The following MAP2K4 variants were observed in gnomAD, a reference collection of about 807,000 sequenced individuals.
MAP2K4 encodes mitogen-activated protein kinase kinase 4, also known as dual specificity mitogen-activated protein kinase kinase 4.
In MAP2K4, 4 loss-of-function variants were observed where a neutral mutation model predicts 48.5. The ratio of observed to expected loss-of-function variants is 0.08; its 90% CI spans 0.04 to 0.19. The LOEUF is 0.19. Among genes scored for constraint, MAP2K4 ranks in the 10% least tolerant of loss-of-function variants. The pLI is 1.00. For synonymous variants in MAP2K4, 166 were observed against 173.1 expected, an observed-to-expected ratio of 0.96 and a Z score of 0.32; for missense variants, 258 against 493.3, an observed-to-expected ratio of 0.52 and a Z score of 4.52.
intron 5 of MAP2K4, 27 bp downstream of exon 5, chr17:12,107,936 A>G (rs1597474833): frequency 5.7e-6 from 9 of 1,571,318 alleles, no homozygotes; most frequent in Non-Finnish European, 6.9e-6. Context: ...TAAATTATTC[A>G]TTGTGTATAT....
At chr17:12,060,728 G>GGGTGT (rs71367376) in intron 2 of MAP2K4, among the ~76,000 whole-genome samples, 6 of 150,252 alleles carry the variant, frequency 4.0e-5, no homozygotes, top group Non-Finnish European at 8.9e-5. Context: ...AATACTATGG[G>GGGTGT]GTGTGTGTGT....
intron 1 of MAP2K4, among the ~76,000 whole-genome samples, chr17:12,026,611 C>G (rs940708870): frequency 1.3e-5 from 2 of 152,180 alleles, no homozygotes; most frequent in Admixed American, 1.3e-4. Flanking sequence ...TTTTAACCAC[C>G]TGGGTGACTG....
Position 12,054,908 on chromosome 17 carries a change from G to A in MAP2K4, c.135G>A (p.Lys45=). The A allele has an allele frequency of 1.9e-6, 3 of 1,610,674 alleles. No homozygotes were observed. The highest frequency in any genetic ancestry group is 2.5e-6 in the Non-Finnish European group (3 of 1,177,356). ...TCTCAGGTAAACGCAAAGCACTGAAGTTGAATTTTGCAAATCCACCTTTCA... is the reference window on the plus strand; with the variant it reads ...TCTCAGGTAAACGCAAAGCACTGAAATTGAATTTTGCAAATCCACCTTTCA... The part of the protein sequence containing the change: ...SSMQGKRKAL[K]LNFANPPFKS... Residue 45 remains lysine (K), a synonymous_variant, in exon 2 of 11, where the codon AAG becomes AAA. Coordinates refer to ENST00000353533, the MANE Select transcript of MAP2K4 (RefSeq NM_003010.4).
intron 7 of MAP2K4, among the ~76,000 whole-genome samples, chr17:12,114,596 A>G (rs890690763): frequency 6.6e-6 from 1 of 152,166 alleles, no homozygotes; most frequent in African/African-American, 2.4e-5. Context: ...GTATTTGGGA[A>G]ATGTGATTTA....
At chr17:12,039,192 G>A (rs1969698445) in intron 1 of MAP2K4, among the ~76,000 whole-genome samples, 1 of 152,160 alleles carries the variant, frequency 6.6e-6, no homozygotes, top group South Asian at 2.1e-4. Context: ...ATATGCCTGG[G>A]TACAGCTGGA....
At chr17:12,132,679 C>G (rs1421483115) in intron 9 of MAP2K4, among the ~76,000 whole-genome samples, 3 of 151,440 alleles carry the variant, frequency 2.0e-5, no homozygotes, top group Non-Finnish European at 4.4e-5. Context: ...TCTGAGCGCT[C>G]AGCATTGGGA....
intron 1 of MAP2K4, among the ~76,000 whole-genome samples, chr17:12,044,729 C>T (rs949662003): frequency 1.3e-5 from 2 of 152,212 alleles, no homozygotes; most frequent in South Asian, 2.1e-4. Flanking sequence ...CAGATCCCAC[C>T]GGTTGAGGGC....
At chr17:12,043,369 C>G (rs767073832) in intron 1 of MAP2K4, among the ~76,000 whole-genome samples, 1 of 152,124 alleles carries the variant, frequency 6.6e-6, no homozygotes, top group Non-Finnish European at 1.5e-5. Context: ...AATTCTCTGA[C>G]AGCAACCGTG....
chr17:12,043,603 C>T (rs1969865772), intron 1 of MAP2K4, among the ~76,000 whole-genome samples: 1 of 152,006 alleles, frequency 6.6e-6, no homozygotes. Context: ...GCTAGCATGT[C>T]TTATGGAACT....
intron 6 of MAP2K4, among the ~76,000 whole-genome samples, chr17:12,111,836 A>ATGACTAGGGATCAAGT (rs11273576): frequency 6.6e-6 from 1 of 151,978 alleles, no homozygotes; most frequent in Non-Finnish European, 1.5e-5. Flanking sequence ...AAAGCACAAT[A>ATGACTAGGGATCAAGT]TGCTCCTCTT....
rs1035162970 is a variant in MAP2K4 at position 12,081,670 on chromosome 17, G to A, written c.393+140G>A. The A allele has an allele frequency of 3.5e-5, 27 of 780,598 alleles. No homozygotes were observed. The highest frequency in any genetic ancestry group is 1.3e-4 in the South Asian group (7 of 54,974). The allele number at this position is 780,598 out of a possible 1,614,324, so 48.4% of individuals were successfully genotyped here. A position where few individuals can be genotyped will look rare whatever the true frequency, so the allele number is the denominator to read the frequency against. On this transcript the variant is annotated intron_variant, in intron 3 of 10. Transcript: ENST00000353533. This position sits in a 1 kb window ranked among gnomAD's most constrained non-coding sequence, Gnocchi z 4.2. Reference sequence around the variant, plus strand: ...AATTGTTTCTCCAACTCCTTTGAGGGTGTTCTGTGTAGAGGTTTCTTATTG... The same window carrying A: ...AATTGTTTCTCCAACTCCTTTGAGGATGTTCTGTGTAGAGGTTTCTTATTG...
intron 1 of MAP2K4, among the ~76,000 whole-genome samples, chr17:12,023,378 A>G (rs977696947): frequency 8.5e-5 from 13 of 152,108 alleles, no homozygotes; most frequent in South Asian, 2.1e-4. Flanking sequence ...TGGGAGTCAC[A>G]CCTCCCATAC....
At chr17:12,072,320 G>T (rs1970843923) in intron 2 of MAP2K4, among the ~76,000 whole-genome samples, 1 of 152,166 alleles carries the variant, frequency 6.6e-6, no homozygotes, top group Non-Finnish European at 1.5e-5. Flanking sequence ...GGAGGAACAT[G>T]AAGCCCAATA....
At chr17:12,120,897 A>G (rs1014356408) in intron 7 of MAP2K4, among the ~76,000 whole-genome samples, 5 of 152,240 alleles carry the variant, frequency 3.3e-5, no homozygotes, top group African/African-American at 4.8e-5. Flanking sequence ...CTGCTGTTTA[A>G]CAGTTGATGC....
chr17:12,068,974 G>A (rs1320708552), intron 2 of MAP2K4, among the ~76,000 whole-genome samples: 1 of 152,084 alleles, frequency 6.6e-6, no homozygotes, highest in Admixed American at 6.5e-5. Context: ...GTCCAGGGCT[G>A]AGCCCCAAGA....
intron 4 of MAP2K4, among the ~76,000 whole-genome samples, chr17:12,097,909 A>G (rs1000278495): frequency 6.6e-6 from 1 of 152,212 alleles, no homozygotes; most frequent in African/African-American, 2.4e-5. Context: ...TAGGAACTAC[A>G]CAGTTAAGCT....
intron 2 of MAP2K4, among the ~76,000 whole-genome samples, chr17:12,058,941 A>G (rs1250384219): frequency 6.6e-6 from 1 of 152,136 alleles, no homozygotes; most frequent in Non-Finnish European, 1.5e-5. Context: ...CTTGAAATCG[A>G]TTAGTTTTTC....
At chr17:12,054,145 C>T (rs1775004900) in intron 1 of MAP2K4, among the ~76,000 whole-genome samples, 2 of 151,984 alleles carry the variant, frequency 1.3e-5, no homozygotes, top group Admixed American at 6.6e-5. Flanking sequence ...AATACATGTC[C>T]CTATCTATGT....
intron 4 of MAP2K4, among the ~76,000 whole-genome samples, chr17:12,096,398 G>C (rs538344390): frequency 6.6e-6 from 1 of 152,194 alleles, no homozygotes; most frequent in Non-Finnish European, 1.5e-5. Flanking sequence ...TCATCCAGCT[G>C]CCTAAAATGT....
Sources: allele counts gnomAD v4.1 joint callset (sites outside exome capture counted in the v4.1 genomes callset), GRCh38; gene constraint gnomAD v4.1.1; non-coding constraint Gnocchi (gnomAD v3.1); transcripts MANE v1.5; gene names NCBI Gene and HGNC (gene_info 2026-07-23, HGNC 2026-07-21).